The following MGAT4C variants were observed in gnomAD, a reference collection of about 807,000 sequenced individuals.
The protein encoded by MGAT4C is MGAT4 family member C, also known as alpha-1,3-mannosyl-glycoprotein 4-beta-N-acetylglucosaminyltransferase C.
In MGAT4C, 19 loss-of-function variants were observed where a neutral mutation model predicts 40.1. The ratio of observed to expected loss-of-function variants is 0.47; its 90% CI spans 0.33 to 0.70. MGAT4C has a LOEUF of 0.70. Among genes scored for constraint, MGAT4C ranks in the 30% least tolerant of loss-of-function variants. MGAT4C has a pLI of 0.02. For missense variants in MGAT4C, 491 were observed against 563.2 expected (o/e 0.87, Z 1.30); for synonymous variants, 181 against 187.1 (o/e 0.97, Z 0.27).
intron 1 of MGAT4C, among the ~76,000 whole-genome samples, chr12:86,216,823 T>C (rs1950692216): frequency 1.3e-5 from 2 of 152,222 alleles, no homozygotes; most frequent in African/African-American, 4.8e-5. Context: ...ATTAAATATA[T>C]TGCAGACATA....
chr12:86,290,184 T>G (rs921708277), intron 4 of MGAT4C, among the ~76,000 whole-genome samples: 2 of 152,104 alleles, frequency 1.3e-5, no homozygotes, highest in Non-Finnish European at 2.9e-5. Context: ...GTAGCTGGGA[T>G]TACAGGCATG....
rs1002966791 is a variant in MGAT4C, at chr12:86,072,358, T to C, written c.-56-22635A>G. Among the ~76,000 whole-genome samples the C allele has an allele frequency of 1.5e-4, 23 of 152,066 alleles. 1 individual carries two copies. The highest frequency in any genetic ancestry group is 1.5e-5 in the Non-Finnish European group (1 of 67,996). Reference sequence around the variant, plus strand: ...CTGTTTTTTTTTCCCCAAAACACTTTAAAATTCCAGGTCAAACCATGCTTT... The same window carrying C: ...CTGTTTTTTTTTCCCCAAAACACTTCAAAATTCCAGGTCAAACCATGCTTT... On this transcript the variant is annotated intron_variant, in intron 1 of 4. Coordinates refer to ENST00000611864, the MANE Select transcript of MGAT4C (RefSeq NM_001351288.2).
intron 1 of MGAT4C, among the ~76,000 whole-genome samples, chr12:86,140,876 A>G (rs192616974): frequency 4.6e-5 from 7 of 152,296 alleles, no homozygotes; most frequent in African/African-American, 1.7e-4. Context: ...GAAGAGATAC[A>G]TTTTTATTCA....
chr12:86,362,913 G>C (rs1955513464), intron 3 of MGAT4C, among the ~76,000 whole-genome samples: 1 of 147,068 alleles, frequency 6.8e-6, no homozygotes, highest in Non-Finnish European at 1.5e-5. Context: ...AGTAATATTA[G>C]CTAAAGTGGA....
At chr12:86,495,692 A>G (rs545449202) in intron 2 of MGAT4C, among the ~76,000 whole-genome samples, 4 of 152,154 alleles carry the variant, frequency 2.6e-5, no homozygotes, top group South Asian at 4.1e-4. Flanking sequence ...TAATTATCCC[A>G]TAGAACTGAT....
chr12:86,532,144 G>A (rs146169364), intron 2 of MGAT4C, among the ~76,000 whole-genome samples: 3 of 152,032 alleles, frequency 2.0e-5, no homozygotes, highest in East Asian at 3.9e-4. Flanking sequence ...TTTAAATGAC[G>A]TTAAGTGGGA....
intron 2 of MGAT4C, among the ~76,000 whole-genome samples, chr12:86,592,775 T>G (rs1165537689): frequency 6.6e-6 from 1 of 152,144 alleles, no homozygotes; most frequent in East Asian, 1.9e-4. Context: ...TTCTCTAAAT[T>G]TTCCAATTAT....
chr12:86,543,731 T>C (rs1335193258), intron 2 of MGAT4C, among the ~76,000 whole-genome samples: 1 of 151,468 alleles, frequency 6.6e-6, no homozygotes, highest in Admixed American at 6.6e-5. Context: ...ATCAGTCAAC[T>C]CTTGCTGTGC....
chr12:86,121,568 C>A (rs1196414133), intron 1 of MGAT4C, among the ~76,000 whole-genome samples: 1 of 152,170 alleles, frequency 6.6e-6, no homozygotes, highest in Non-Finnish European at 1.5e-5. Flanking sequence ...CTCCACAAGC[C>A]AGAAGAGAGT....
intron 1 of MGAT4C, among the ~76,000 whole-genome samples, chr12:86,133,798 T>C (rs1411225902): frequency 1.3e-5 from 2 of 152,224 alleles, no homozygotes; most frequent in East Asian, 3.9e-4. Context: ...TGTAAGAATT[T>C]ATTCATGACT....
At chr12:86,327,834 T>C (rs1954562267) in intron 4 of MGAT4C, among the ~76,000 whole-genome samples, 1 of 152,142 alleles carries the variant, frequency 6.6e-6, no homozygotes. Context: ...TTGCTGCAAG[T>C]TCCTGAGACT....
chr12:86,067,412 A>G (rs1894649995), intron 1 of MGAT4C, among the ~76,000 whole-genome samples: 1 of 152,182 alleles, frequency 6.6e-6, no homozygotes, highest in Middle Eastern at 3.2e-3. Flanking sequence ...TTGCAGGGAC[A>G]TGGATGAAGC....
At chr12:86,828,649 G>T (rs1952856066) in intron 1 of MGAT4C, among the ~76,000 whole-genome samples, 1 of 151,444 alleles carries the variant, frequency 6.6e-6, no homozygotes, top group Admixed American at 6.6e-5. Flanking sequence ...CTAGTTAATG[G>T]ATGAAGAAAA....
chr12:86,408,410 C>A, intron 3 of MGAT4C, among the ~76,000 whole-genome samples: 1 of 130,214 alleles, frequency 7.7e-6, no homozygotes, highest in South Asian at 2.6e-4. Context: ...AATTTCTTAT[C>A]ATTTATATAA....
At chr12:86,114,754 T>G (rs1048826328) in intron 1 of MGAT4C, among the ~76,000 whole-genome samples, 1 of 151,990 alleles carries the variant, frequency 6.6e-6, no homozygotes, top group Non-Finnish European at 1.5e-5. Context: ...TGTCTCTGAC[T>G]CTAAAGGTCT....
chr12:86,235,865 A>G (rs1221168809), intron 1 of MGAT4C, among the ~76,000 whole-genome samples: 1 of 152,090 alleles, frequency 6.6e-6, no homozygotes, highest in African/African-American at 2.4e-5. Context: ...AGTGATTGGA[A>G]TAAAGTTGGT....
chr12:86,265,254 C>T (rs572039792), intron 4 of MGAT4C, among the ~76,000 whole-genome samples: 3 of 152,128 alleles, frequency 2.0e-5, no homozygotes, highest in African/African-American at 7.2e-5. Context: ...CCTGCCAGGC[C>T]AAAACAGGCA....
At chr12:86,664,214 C>T (rs1225012249) in intron 2 of MGAT4C, among the ~76,000 whole-genome samples, 3 of 151,654 alleles carry the variant, frequency 2.0e-5, no homozygotes, top group African/African-American at 7.3e-5. Flanking sequence ...CTTTATTTCC[C>T]TTTCTCATTT....
intron 2 of MGAT4C, among the ~76,000 whole-genome samples, chr12:86,456,648 G>C (rs975418566): frequency 6.6e-6 from 1 of 151,838 alleles, no homozygotes; most frequent in African/African-American, 2.4e-5. Context: ...TTAAATTTTG[G>C]CTCAGGATAT....
Sources: gnomAD v4.1 joint callset for allele counts (sites outside exome capture counted in the v4.1 genomes callset) on GRCh38, gnomAD v4.1.1 for gene constraint, MANE v1.5 for transcripts, NCBI Gene and HGNC (gene_info 2026-07-23, HGNC 2026-07-21) for gene names.